Variants in PSG7 observed in about 807,000 individuals in gnomAD.
The protein encoded by PSG7 is pregnancy-specific beta-1-glycoprotein 7.
PSG7 carries 57 observed loss-of-function variants against 45.6 expected under a neutral mutation model. The ratio of observed to expected loss-of-function variants is 1.25; its 90% CI spans 1.01 to 1.56. The LOEUF is 1.56. Ranked by LOEUF, PSG7 falls within the 40% of genes most tolerant of loss-of-function variation. The pLI is 0.00. For synonymous variants in PSG7, 298 were observed against 194.4 expected, an observed-to-expected ratio of 1.53 and a Z score of -4.43; for missense variants, 796 against 508.4, an observed-to-expected ratio of 1.57 and a Z score of -5.44.
chr19:42,933,019 C>G (rs1451888002), intron 2 of PSG7, among the ~76,000 whole-genome samples: 1 of 149,962 alleles, frequency 6.7e-6, no homozygotes, highest in Non-Finnish European at 1.5e-5. Flanking sequence ...AATGGCTCAG[C>G]CAGTCATGTG....
Position 42,935,563 on chromosome 19 carries a change from A to G in PSG7, c.271T>C (p.Tyr91His). ...SYIVDGQIIK[Y>H]GPAYSGRETV... Reference sequence around the variant, plus strand: ...TCTCGTCCACTGTATGCAGGCCCATATTTAATTATTTGACCGTCTACTATA... The same window carrying G: ...TCTCGTCCACTGTATGCAGGCCCATGTTTAATTATTTGACCGTCTACTATA... The change falls in exon 2 of 6, where the codon TAT (tyrosine) becomes CAT (histidine). Residue 91 changes from tyrosine (Y) to histidine (H), a missense_variant. Tyr to His is a moderately conservative substitution (Grantham distance 83). Transcript: ENST00000406070. The G allele has an allele frequency of 3.1e-6, 5 of 1,611,946 alleles. No homozygotes were observed. Among genetic ancestry groups the G allele is most frequent in the Non-Finnish European group, 4.2e-6 (5 of 1,179,016 alleles).
intron 3 of PSG7, chr19:42,927,620 C>G (rs1230428796): frequency 6.6e-6 from 1 of 151,708 alleles, no homozygotes; most frequent in African/African-American, 2.4e-5. Context: ...GGATATAAGA[C>G]AAATTTGGAG....
At chr19:42,926,790 T>G in intron 3 of PSG7, 74 bp from the exon 4 acceptor site, 1 of 1,582,014 alleles carries the variant, frequency 6.3e-7, no homozygotes. Flanking sequence ...TCAATTAGAG[T>G]TGGCATCTCC....
intron 2 of PSG7, among the ~76,000 whole-genome samples, chr19:42,932,741 C>T (rs1382813201): frequency 4.6e-5 from 7 of 151,484 alleles, no homozygotes; most frequent in Admixed American, 4.6e-4. Flanking sequence ...AAAACTAACA[C>T]CCTTACTTTG....
Position 42,924,676 on chromosome 19 carries a change from T to C in PSG7, c.*132A>G. 1 of 759,680 alleles carries C rather than the reference T, an allele frequency of 1.3e-6. No individual in the cohort carries two copies. Among genetic ancestry groups the C allele is most frequent in the Non-Finnish European group, 2.4e-6 (1 of 415,326 alleles). The allele number at this position is 759,680 out of a possible 1,614,324, so 47.1% of individuals were successfully genotyped here. ...TGGTGAGTTCTGAGTGGCTCAGACA[T>C]CAGGTACAAGGATTTTCCCATGAAA... is the stretch of plus-strand genomic sequence containing the variant. On this transcript the variant is annotated 3_prime_UTR_variant, in exon 6 of 6. Transcript: ENST00000406070.
intron 3 of PSG7, among the ~76,000 whole-genome samples, chr19:42,927,772 G>A (rs147136957): frequency 0.13 from 20,014 of 151,470 alleles, 1,792 homozygotes; most frequent in Admixed American, 0.17. Context: ...GGAGTGGGGA[G>A]AATCAGAAGT....
intron 2 of PSG7, 26 bp downstream of exon 2, chr19:42,935,378 C>G: frequency 6.2e-7 from 1 of 1,610,792 alleles, no homozygotes; most frequent in African/African-American, 1.3e-5. Flanking sequence ...CCCCCCAACA[C>G]CCAGGGACCA....
intron 1 of PSG7, chr19:42,936,516 C>G (rs953212966): frequency 3.1e-5 from 5 of 160,572 alleles, no homozygotes; most frequent in African/African-American, 7.3e-5. Context: ...ATCAGAAAAA[C>G]AGAACACTTA....
chr19:42,925,662 T>G, intron 5 of PSG7, 111 bp downstream of exon 5: 1 of 1,581,394 alleles, frequency 6.3e-7, no homozygotes, highest in African/African-American at 1.4e-5. Flanking sequence ...TGGGATTTGC[T>G]TGTGCCCATG....
Position 42,933,266 on chromosome 19 carries a change from A to ATATATAT in PSG7, c.430+2137_430+2138insATATATA, listed in dbSNP as rs1973060126. On this transcript the variant is annotated intron_variant, in intron 2 of 5. Coordinates refer to ENST00000406070, the MANE Select transcript of PSG7 (RefSeq NM_002783.3). ...ATTCTTTACTACAAATCACCATTTC[A>ATATATAT]ATATATATATATATATATATATATA... Among the ~76,000 whole-genome samples the ATATATAT allele has an allele frequency of 3.0e-3, 48 of 15,742 alleles. 4 individuals are homozygous for ATATATAT. The highest frequency in any genetic ancestry group is 0.026 in the South Asian group (7 of 266). 10.3% of individuals were successfully genotyped at this position (15,742 alleles called of 152,430 possible).
chr19:42,926,787 G>C (rs1972903680), intron 3 of PSG7, 71 bp from the exon 4 acceptor site: 1 of 1,583,820 alleles, frequency 6.3e-7, no homozygotes, highest in African/African-American at 1.4e-5. Flanking sequence ...CCTTCAATTA[G>C]AGTTGGCATC....
chr19:42,925,014 A>T, intron 5 of PSG7, 190 bp from the exon 6 acceptor site: 2 of 615,750 alleles, frequency 3.2e-6, no homozygotes, highest in Admixed American at 2.6e-5. Context: ...GATTGTTTAC[A>T]TAAGTGCAGC....
chr19:42,929,361 G>A (rs1600565979), intron 3 of PSG7, 81 bp downstream of exon 3: 2 of 1,608,776 alleles, frequency 1.2e-6, no homozygotes, highest in Non-Finnish European at 1.7e-6. Flanking sequence ...ACTTGGACCT[G>A]AGAGGGACTG....
chr19:42,933,128 G>A (rs58760382), intron 2 of PSG7, among the ~76,000 whole-genome samples: 3,611 of 147,928 alleles, frequency 0.024, 197 homozygotes, highest in African/African-American at 0.085. Context: ...TTTTAGTCCT[G>A]TGCCCCTGAA....
chr19:42,928,801 C>A (rs2122680802), intron 3 of PSG7, among the ~76,000 whole-genome samples: 1 of 151,546 alleles, frequency 6.6e-6, no homozygotes, highest in African/African-American at 2.4e-5. Context: ...GGACTATGAT[C>A]CTCTTGATTA....
At chr19:42,933,303 ATATATTTTT>A (rs1219181499) in intron 2 of PSG7, among the ~76,000 whole-genome samples, 5 of 14,846 alleles carry the variant, frequency 3.4e-4, no homozygotes, top group East Asian at 4.0e-3. Flanking sequence ...ATATATATAT[ATATATTTTT>A]TTTTTTTTTT....
chr19:42,926,250 T>C (rs567063175), intron 4 of PSG7, 188 bp downstream of exon 4: 4 of 1,396,782 alleles, frequency 2.9e-6, no homozygotes, highest in Admixed American at 2.7e-5. Context: ...ACTCCCCTTA[T>C]ATTCTTGGTT....
chr19:42,929,221 G>A, intron 3 of PSG7: 2 of 1,079,748 alleles, frequency 1.9e-6, no homozygotes, highest in Admixed American at 2.8e-5. Flanking sequence ...ATCACAAGCT[G>A]TGGACCCTGA....
chr19:42,929,136 T>A (rs576536206), intron 3 of PSG7: 1 of 524,226 alleles, frequency 1.9e-6, no homozygotes, highest in East Asian at 3.6e-5. Flanking sequence ...GTGAGTCAAG[T>A]CGCAACACTG....
Sources: gnomAD v4.1 joint callset for allele counts (sites outside exome capture counted in the v4.1 genomes callset) on GRCh38, gnomAD v4.1.1 for gene constraint, MANE v1.5 for transcripts, NCBI Gene and HGNC (gene_info 2026-07-23, HGNC 2026-07-21) for gene names.